KCMF1: variants seen among roughly 807,000 people sequenced by gnomAD.
KCMF1 encodes potassium channel modulatory factor 1, also known as E3 ubiquitin-protein ligase KCMF1.
Under a neutral mutation model 41.1 loss-of-function variants are expected in KCMF1, and 3 were observed. The ratio of observed to expected loss-of-function variants is 0.07; its 90% CI spans 0.03 to 0.19. The LOEUF (loss-of-function observed/expected upper bound fraction) is 0.19. KCMF1 is among the 10% of genes least tolerant of loss of function. The pLI is 1.00. For missense variants in KCMF1, 286 were observed against 488.9 expected, an observed-to-expected ratio of 0.58 and a Z score of 3.91; for synonymous variants, 142 against 164.5, an observed-to-expected ratio of 0.86 and a Z score of 1.04.
intron 5 of KCMF1, among the ~76,000 whole-genome samples, chr2:85,046,810 C>T (rs552618540): frequency 1.0e-3 from 152 of 152,172 alleles, no homozygotes; most frequent in Non-Finnish European, 1.8e-3. Context: ...GTAGTCCCCC[C>T]GTCATGTGGT....
intron 1 of KCMF1, among the ~76,000 whole-genome samples, chr2:84,991,993 G>A (rs560495382): frequency 5.3e-5 from 8 of 152,140 alleles, no homozygotes; most frequent in Non-Finnish European, 8.8e-5. Context: ...CTTCTGCAAT[G>A]GATGAAATTT....
chr2:85,034,690 C>T (rs1165307024), intron 2 of KCMF1, among the ~76,000 whole-genome samples: 1 of 152,152 alleles, frequency 6.6e-6, no homozygotes, highest in East Asian at 1.9e-4. Context: ...GGCATGATCT[C>T]GGCTCACTGC....
Position 85,053,288 on chromosome 2 carries a change from G to A in KCMF1, c.1025G>A (p.Gly342Glu). 6.2e-7 allele frequency: 1 copy of A among 1,613,928 alleles called. No individual in the cohort carries two copies. Among genetic ancestry groups the A allele is most frequent in the East Asian group, 2.2e-5 (1 of 44,876 alleles). The change falls in exon 7 of 7, where the codon GGG (glycine) becomes GAG (glutamate). Residue 342 changes from glycine to glutamate, a missense_variant. By Grantham distance (98) the Gly-to-Glu change is moderately conservative. This residue lies in a region of KCMF1 where 191 missense variants were observed against 279.3 expected (regional missense o/e 0.68). Transcript: ENST00000409785. ...TCATCCTCAGATGAGGATGATCGGGGGGAGATGGCAGATTTTGGTGCTATG... is the reference window on the plus strand; with the variant it reads ...TCATCCTCAGATGAGGATGATCGGGAGGAGATGGCAGATTTTGGTGCTATG... ...ESSSSDEDDR[G>E]EMADFGAMGC...
intron 1 of KCMF1, among the ~76,000 whole-genome samples, chr2:85,012,892 CAG>C (rs1463641330): frequency 8.5e-5 from 13 of 152,272 alleles, no homozygotes; most frequent in South Asian, 2.1e-4. Context: ...GCCTACAAAA[CAG>C]GGGAAAGTGA....
At position 85,053,286 on chromosome 2, in the gene KCMF1, G is replaced by A. The variant is rs368080171; in HGVS notation, c.1023G>A (p.Arg341=). 1.2e-6 allele frequency: 2 copies of A among 1,613,972 alleles called. No homozygotes were observed. The highest frequency in any genetic ancestry group is 1.7e-6 in the Non-Finnish European group (2 of 1,179,894). ...GCTCATCCTCAGATGAGGATGATCG[G>A]GGGGAGATGGCAGATTTTGGTGCTA... ...EESSSSDEDD[R]GEMADFGAMG... The change falls in exon 7 of 7, where the codon CGG becomes CGA. Residue 341 remains arginine (R), a synonymous_variant. Coordinates refer to ENST00000409785, the MANE Select transcript of KCMF1 (RefSeq NM_020122.5).
At chr2:84,990,466 A>G (rs1674014985) in intron 1 of KCMF1, among the ~76,000 whole-genome samples, 1 of 152,104 alleles carries the variant, frequency 6.6e-6, no homozygotes, top group African/African-American at 2.4e-5. Context: ...GTGGAGTAGA[A>G]ATGAAACATA....
chr2:85,017,012 C>CT (rs768880385), intron 1 of KCMF1, among the ~76,000 whole-genome samples: 3,211 of 99,440 alleles, frequency 0.032, 139 homozygotes, highest in Admixed American at 0.071. Context: ...AGATCCTCTT[C>CT]TTTTTTTTTT....
intron 1 of KCMF1, among the ~76,000 whole-genome samples, chr2:84,973,501 A>G (rs181733812): frequency 8.5e-5 from 13 of 152,338 alleles, no homozygotes; most frequent in Admixed American, 2.0e-4. Flanking sequence ...AATAGAACAT[A>G]CCTAATGAAA....
intron 1 of KCMF1, among the ~76,000 whole-genome samples, chr2:84,997,986 T>A (rs1340910955): frequency 6.6e-6 from 1 of 151,794 alleles, no homozygotes; most frequent in Non-Finnish European, 1.5e-5. Context: ...TTGGCCAGGC[T>A]GGTCTTGAAC....
At chr2:84,985,431 A>G (rs2103970925) in intron 1 of KCMF1, among the ~76,000 whole-genome samples, 1 of 152,322 alleles carries the variant, frequency 6.6e-6, no homozygotes, top group Admixed American at 6.5e-5. Flanking sequence ...CGTTCTTTTA[A>G]GCTTTGTCTT....
chr2:85,029,207 A>C (rs1346182672), intron 2 of KCMF1, among the ~76,000 whole-genome samples: 3 of 151,552 alleles, frequency 2.0e-5, no homozygotes, highest in Non-Finnish European at 4.4e-5. Flanking sequence ...CAAGTTATCC[A>C]CCTGCCTTCG....
chr2:84,972,931 C>T (rs779908343), intron 1 of KCMF1, among the ~76,000 whole-genome samples: 17 of 152,152 alleles, frequency 1.1e-4, no homozygotes, highest in Non-Finnish European at 2.4e-4. Context: ...TTGAAAGGGA[C>T]ACAGAAGTAG....
chr2:85,049,693 A>G, intron 6 of KCMF1, 45 bp downstream of exon 6: 1 of 1,453,448 alleles, frequency 6.9e-7, no homozygotes, highest in Non-Finnish European at 9.5e-7. Flanking sequence ...GTAATATTTT[A>G]TTGCCACTAC....
intron 1 of KCMF1, among the ~76,000 whole-genome samples, chr2:85,024,331 G>C (rs1675029792): frequency 6.6e-6 from 1 of 152,104 alleles, no homozygotes; most frequent in Non-Finnish European, 1.5e-5. Flanking sequence ...AAATTAGCTG[G>C]GCATGGTGCC....
At chr2:84,991,734 A>C (rs1245912727) in intron 1 of KCMF1, among the ~76,000 whole-genome samples, 1 of 152,220 alleles carries the variant, frequency 6.6e-6, no homozygotes, top group African/African-American at 2.4e-5. Flanking sequence ...CTTTTGGTCC[A>C]GAAGGAAATC....
At position 85,053,295 on chromosome 2, in the gene KCMF1, G is replaced by A. The variant is rs923461364; in HGVS notation, c.1032G>A (p.Met344Ile). ...SSSDEDDRGE[M>I]ADFGAMGCVD... ...CAGATGAGGATGATCGGGGGGAGATGGCAGATTTTGGTGCTATGGGCTGTG... is the reference window on the plus strand; with the variant it reads ...CAGATGAGGATGATCGGGGGGAGATAGCAGATTTTGGTGCTATGGGCTGTG... Residue 344 changes from methionine to isoleucine, a missense_variant, in exon 7 of 7, where the codon ATG becomes ATA. Transcript: ENST00000409785. 6 of 1,613,878 alleles carry A rather than the reference G, an allele frequency of 3.7e-6. No homozygotes were observed. The highest frequency in any genetic ancestry group is 3.3e-5 in the South Asian group (3 of 91,066).
intron 6 of KCMF1, among the ~76,000 whole-genome samples, chr2:85,050,681 G>A (rs1293636268): frequency 6.6e-6 from 1 of 152,176 alleles, no homozygotes; most frequent in Non-Finnish European, 1.5e-5. Context: ...GAACATAAAG[G>A]AAGAACTGTA....
intron 2 of KCMF1, among the ~76,000 whole-genome samples, chr2:85,034,539 T>C (rs1216166082): frequency 6.6e-6 from 1 of 152,184 alleles, no homozygotes; most frequent in African/African-American, 2.4e-5. Flanking sequence ...ATGTAGTAGC[T>C]ATCTGGGGAA....
At chr2:85,000,437 T>G (rs960943606) in intron 1 of KCMF1, among the ~76,000 whole-genome samples, 1 of 152,196 alleles carries the variant, frequency 6.6e-6, no homozygotes, top group African/African-American at 2.4e-5. Flanking sequence ...AATATATTTT[T>G]TAATCTCAAT....
Sources: allele counts gnomAD v4.1 joint callset (sites outside exome capture counted in the v4.1 genomes callset), GRCh38; gene constraint gnomAD v4.1.1; regional missense constraint gnomAD v4.1.1; transcripts MANE v1.5; gene names NCBI Gene and HGNC (gene_info 2026-07-23, HGNC 2026-07-21).